The following TAPBP variants were observed in gnomAD, a reference collection of about 807,000 sequenced individuals.
TAPBP encodes the protein TAP binding protein, also known as tapasin.
Under a neutral mutation model 45.7 loss-of-function variants are expected in TAPBP, and 38 were observed. That is an observed-to-expected ratio of 0.83 (90% CI 0.64 to 1.09). TAPBP has a LOEUF of 1.09. TAPBP is among the 50% of genes least tolerant of loss of function. TAPBP has a pLI of 0.00. For synonymous variants in TAPBP, 226 were observed against 254.8 expected, an observed-to-expected ratio of 0.89 and a Z score of 1.08; for missense variants, 513 against 587.3, an observed-to-expected ratio of 0.87 and a Z score of 1.31.
chr6:33,301,573 CAAAAAA>C lies in TAPBP; in HGVS notation c.*181_*186del. 2 of 422,520 alleles carry C rather than the reference CAAAAAA, an allele frequency of 4.7e-6. No homozygotes were observed. Among genetic ancestry groups the C allele is most frequent in the South Asian group, 2.7e-5 (1 of 37,656 alleles). The allele number at this position is 422,520 out of a possible 1,614,324, so 26.2% of individuals were successfully genotyped here. A position where few individuals can be genotyped will look rare whatever the true frequency, so the allele number is the denominator to read the frequency against. On this transcript the variant is annotated 3_prime_UTR_variant, in exon 8 of 8. Transcript: ENST00000434618. ...TGGGCGGAAGAGTGAGACTCCGTCTCAAAAAAAAAAAAAAAAGAAAAATTATCCCTT... is the reference window on the plus strand; with the variant it reads ...TGGGCGGAAGAGTGAGACTCCGTCTCAAAAAAAAAAGAAAAATTATCCCTT...
Position 33,313,571 on chromosome 6 carries a change from C to G in TAPBP, c.209-94G>C. ...GGGGAACTTCAAATGCACAGACTAC[C>G]CCGTAGTGAGACTCACTTTACAAAG... is the stretch of plus-strand genomic sequence containing the variant. On this transcript the variant is annotated intron_variant, in intron 2 of 7. Transcript: ENST00000434618. This position sits in a 1 kb window ranked among gnomAD's most constrained non-coding sequence, Gnocchi z 7.2. 6.6e-7 allele frequency: 1 copy of G among 1,520,742 alleles called. No individual in the cohort carries two copies. Among genetic ancestry groups the G allele is most frequent in the Non-Finnish European group, 8.8e-7 (1 of 1,131,832 alleles). The allele number at this position is 1,520,742 out of a possible 1,614,324, so 94.2% of individuals were successfully genotyped here. A position where few individuals can be genotyped will look rare whatever the true frequency, so the allele number is the denominator to read the frequency against.
At position 33,301,775 on chromosome 6, in the gene TAPBP, G is replaced by T. The variant is rs371464306; in HGVS notation, c.1336-4C>A. 65 of 1,613,996 alleles carry T rather than the reference G, an allele frequency of 4.0e-5. No individual in the cohort carries two copies. Among genetic ancestry groups the T allele is most frequent in the Middle Eastern group, 3.3e-4 (2 of 6,078 alleles). On this transcript the variant is annotated splice_polypyrimidine_tract_variant and splice_region_variant and intron_variant, in intron 7 of 7. Coordinates refer to ENST00000434618, the MANE Select transcript of TAPBP (RefSeq NM_003190.5). ...GTGAGTGCCCTCACTCTGCTTTCTG[G>T]AAGAGAGGAAGGTGGTGAGGAATTC... is the stretch of plus-strand genomic sequence containing the variant.
rs368035810 is a variant in TAPBP at position 33,304,064 on chromosome 6, C to G, written c.1300+64G>C. 4 of 1,610,900 alleles carry G rather than the reference C, an allele frequency of 2.5e-6. No individual in the cohort carries two copies. The African/African-American group carries it at 5.4e-5, about 22-fold the overall frequency. ...AGGGCAGAGGGATGGGTGTCAGGCTCTTGGGAGTAGGTGGGGAAAGTCCAC... is the reference window on the plus strand; with the variant it reads ...AGGGCAGAGGGATGGGTGTCAGGCTGTTGGGAGTAGGTGGGGAAAGTCCAC... On this transcript the variant is annotated intron_variant, in intron 6 of 7. Transcript: ENST00000434618.
Position 33,313,328 on chromosome 6 carries a change from C to G in TAPBP, c.358G>C (p.Asp120His). 1 of 1,613,546 alleles carries G rather than the reference C, an allele frequency of 6.2e-7. No homozygotes were observed. The part of the protein sequence containing the change: ...TPAQNCPRAL[D>H]GAWLMVSISS... ...ATGCTGACCATCAGCCAAGCCCCAT[C>G]CAGGGCCCGCGGGCAGTTCTGCGCG... The change falls in exon 3 of 8, where the codon GAT (aspartate) becomes CAT (histidine). Residue 120 changes from aspartate to histidine, a missense_variant. Asp to His is a moderately conservative substitution (Grantham distance 81). Coordinates refer to ENST00000434618, the MANE Select transcript of TAPBP (RefSeq NM_003190.5). This position sits in a 1 kb window ranked among gnomAD's most constrained non-coding sequence, Gnocchi z 7.2.
chr6:33,313,380 A>T lies in TAPBP; in HGVS notation c.306T>A (p.Ser102=). The T allele has an allele frequency of 6.2e-7, 1 of 1,611,942 alleles. No homozygotes were observed. Among genetic ancestry groups the T allele is most frequent in the Non-Finnish European group, 8.5e-7 (1 of 1,179,194 alleles). ...EMSRFVPLPA[S]AKWASGLTPA... is the part of the protein sequence containing the mutation. ...GGGTCAGGCCGCTGGCCCATTTCGC[A>T]GAGGCGGGGAGAGGCACGAAGCGGC... The change falls in exon 3 of 8, where the codon TCT becomes TCA. Residue 102 remains serine, a synonymous_variant. Transcript: ENST00000434618. The surrounding 1 kb of genome is among the most constrained non-coding windows in gnomAD (Gnocchi z 7.2).
In TAPBP at chr6:33,304,598, C is replaced by G; in HGVS notation, c.909G>C (p.Arg303=). 1 of 1,595,066 alleles carries G rather than the reference C, an allele frequency of 6.3e-7. No homozygotes were observed. Among genetic ancestry groups the G allele is most frequent in the Non-Finnish European group, 8.5e-7 (1 of 1,176,338 alleles). The change falls in exon 5 of 8, where the codon CGG becomes CGC. Residue 303 remains arginine, a synonymous_variant. Coordinates refer to ENST00000434618, the MANE Select transcript of TAPBP (RefSeq NM_003190.5). ...CCGGGGGTGCCTCCCCTGGGGCGGCCCGTGCAAGGGTTGCTGGCATCAGGG... is the reference window on the plus strand; with the variant it reads ...CCGGGGGTGCCTCCCCTGGGGCGGCGCGTGCAAGGGTTGCTGGCATCAGGG... ...KVSLMPATLA[R]AAPGEAPPEL...
chr6:33,301,832 G>C, intron 7 of TAPBP, 61 bp from the exon 8 acceptor site: 1 of 1,613,270 alleles, frequency 6.2e-7, no homozygotes, highest in Non-Finnish European at 8.5e-7. Flanking sequence ...GGTGTACATG[G>C]TCAGTTTAGA....
At chr6:33,309,973 C>G (rs1769239282) in intron 3 of TAPBP, among the ~76,000 whole-genome samples, 1 of 151,522 alleles carries the variant, frequency 6.6e-6, no homozygotes, top group Non-Finnish European at 1.5e-5. Flanking sequence ...ATCTGCCCAC[C>G]TCGGCCTCCC....
At position 33,313,952 on chromosome 6, in the gene TAPBP, C is replaced by G. The variant is rs1262975735; in HGVS notation, c.37+53G>C. 1 of 1,613,586 alleles carries G rather than the reference C, an allele frequency of 6.2e-7. No individual in the cohort carries two copies. On this transcript the variant is annotated intron_variant, in intron 1 of 7. Transcript: ENST00000434618. The surrounding 1 kb of genome is among the most constrained non-coding windows in gnomAD (Gnocchi z 7.2). Reference sequence around the variant, plus strand: ...CCTGGCATCGGCTCCAGTGGGGCCACCTCCCTCCGCTTCCCTCTAGTTCTT... The same window carrying G: ...CCTGGCATCGGCTCCAGTGGGGCCAGCTCCCTCCGCTTCCCTCTAGTTCTT...
chr6:33,304,533 C>T lies in TAPBP; in HGVS notation c.974G>A (p.Gly325Asp), dbSNP rs200280998. Residue 325 changes from glycine to aspartate, a missense_variant, in exon 5 of 8, where the codon GGC (glycine) becomes GAC (aspartate). Transcript: ENST00000434618. ...CCGGAGTTCCCACTCCACCTCCAGG[C>T]CCCCAGAAGGGTAGAAGTGGGACAC... ...CLVSHFYPSG[G>D]LEVEWELRGG... The T allele has an allele frequency of 8.4e-5, 136 of 1,612,364 alleles. No individual in the cohort carries two copies. The Middle Eastern group carries it at 1.2e-3, about 14-fold the overall frequency.
intron 7 of TAPBP, chr6:33,303,745 A>T (rs1290828093): frequency 6.5e-7 from 1 of 1,549,262 alleles, no homozygotes; most frequent in Admixed American, 2.0e-5. Flanking sequence ...GTAACTTTTT[A>T]AAATCCCTAC....
intron 3 of TAPBP, among the ~76,000 whole-genome samples, chr6:33,306,695 T>C (rs1339932297): frequency 6.6e-6 from 1 of 152,160 alleles, no homozygotes; most frequent in African/African-American, 2.4e-5. Flanking sequence ...ATCCCAAATA[T>C]GGGCCAGACG....
At position 33,301,684 on chromosome 6, in the gene TAPBP, GTAT is replaced by G; in HGVS notation, c.*73_*75del. The G allele has an allele frequency of 7.6e-7, 1 of 1,318,090 alleles. No individual in the cohort carries two copies. Among genetic ancestry groups the G allele is most frequent in the Non-Finnish European group, 1.1e-6 (1 of 913,298 alleles). The allele number at this position is 1,318,090 out of a possible 1,614,324, so 81.6% of individuals were successfully genotyped here. The stretch of plus-strand genomic sequence containing the variant: ...GGAGGGATTAGGAGCAGATGATAGG[GTAT>G]TATTTTAGGGAGCTACTACAGAAGC... On this transcript the variant is annotated 3_prime_UTR_variant, in exon 8 of 8. Coordinates refer to ENST00000434618, the MANE Select transcript of TAPBP (RefSeq NM_003190.5).
chr6:33,306,978 C>CA (rs553964427), intron 3 of TAPBP, among the ~76,000 whole-genome samples: 69,708 of 126,216 alleles, frequency 0.55, 19,465 homozygotes, highest in African/African-American at 0.77. Flanking sequence ...AACCCCGTTT[C>CA]AAAAAAAAAA....
In TAPBP at chr6:33,304,321, C is replaced by T. The variant is rs375664511; in HGVS notation, c.1186G>A (p.Ala396Thr). The change falls in exon 5 of 8, where the codon GCT becomes ACT. Residue 396 changes from alanine to threonine, a missense_variant. Ala to Thr is a moderately conservative substitution (Grantham distance 58, BLOSUM62 0). Transcript: ENST00000434618. ...CCTGCTACCTCCAGGGTGACCTCAG[C>T]GCTGCGCCCCGAGGCAGGCAGGCTG... ...HPSLPASGRSAEVTLEVAGLS... is the reference protein window; with the variant it reads ...HPSLPASGRSTEVTLEVAGLS... 75 of 1,604,904 alleles carry T rather than the reference C, an allele frequency of 4.7e-5. No homozygotes were observed. Among genetic ancestry groups the T allele is most frequent in the Non-Finnish European group, 6.0e-5 (71 of 1,174,506 alleles).
Position 33,305,695 on chromosome 6 carries a change from G to A in TAPBP, c.470-308C>T, listed in dbSNP as rs910900114. The stretch of plus-strand genomic sequence containing the variant: ...GCACACTCTAGCTCGGGGGACTGCA[G>A]AATCCGAGGCCACTTCTGACACAAC... On this transcript the variant is annotated intron_variant, in intron 3 of 7. Transcript: ENST00000434618. This position sits in a 1 kb window ranked among gnomAD's most constrained non-coding sequence, Gnocchi z 4.4. 3.3e-5 allele frequency among the ~76,000 whole-genome samples: 5 copies of A among 152,266 alleles called. No individual in the cohort carries two copies. The highest frequency in any genetic ancestry group is 1.3e-4 in the Admixed American group (2 of 15,294).
rs1244134752 is a variant in TAPBP at position 33,304,573 on chromosome 6, C to A, written c.934G>T (p.Glu312Ter). 1.1e-5 allele frequency: 18 copies of A among 1,604,778 alleles called. No individual in the cohort carries two copies. Among genetic ancestry groups the A allele is most frequent in the Non-Finnish European group, 1.4e-5 (16 of 1,178,994 alleles). The change falls in exon 5 of 8, where the codon GAA becomes TAA. Residue 312 changes from glutamate to a stop codon, truncating the protein, a stop_gained. Coordinates refer to ENST00000434618, the MANE Select transcript of TAPBP (RefSeq NM_003190.5). LOFTEE classifies it high-confidence loss of function. ...ARAAPGEAPP[E>*]LLCLVSHFYP... ...AAGTGGGACACAAGGCAGAGCAATTCCGGGGGTGCCTCCCCTGGGGCGGCC... is the reference window on the plus strand; with the variant it reads ...AAGTGGGACACAAGGCAGAGCAATTACGGGGGTGCCTCCCCTGGGGCGGCC...
intron 3 of TAPBP, among the ~76,000 whole-genome samples, chr6:33,312,076 C>T (rs1769388568): frequency 6.6e-6 from 1 of 152,158 alleles, no homozygotes; most frequent in East Asian, 1.9e-4. Context: ...GAAATAGTAT[C>T]CACATTTTAC....
chr6:33,313,018 GTTT>G lies in TAPBP; in HGVS notation c.469+196_469+198del, dbSNP rs9280403. The G allele has an allele frequency of 8.0e-6, 3 of 377,004 alleles. No homozygotes were observed. Among genetic ancestry groups the G allele is most frequent in the Non-Finnish European group, 8.6e-6 (2 of 232,810 alleles). 23.4% of individuals were successfully genotyped at this position (377,004 alleles called of 1,614,324 possible). The stretch of plus-strand genomic sequence containing the variant: ...CCTGCCAAGCTGCAGTTTTTTTTTT[GTTT>G]TTTTTTTTTAACTGGGTGAGGGCTA... On this transcript the variant is annotated intron_variant, in intron 3 of 7. Coordinates refer to ENST00000434618, the MANE Select transcript of TAPBP (RefSeq NM_003190.5). This position sits in a 1 kb window ranked among gnomAD's most constrained non-coding sequence, Gnocchi z 7.2.
Sources: allele counts gnomAD v4.1 joint callset (sites outside exome capture counted in the v4.1 genomes callset), GRCh38; gene constraint gnomAD v4.1.1; non-coding constraint Gnocchi (gnomAD v3.1); transcripts MANE v1.5; gene names NCBI Gene and HGNC (gene_info 2026-07-23, HGNC 2026-07-21).